The following SMIM36 variants were observed in gnomAD, a reference collection of about 807,000 sequenced individuals.
The protein encoded by SMIM36 is small integral membrane protein 36.
chr17:55,508,100 G>A (rs1910110862), intron 1 of SMIM36, among the ~76,000 whole-genome samples: 1 of 151,994 alleles, frequency 6.6e-6, no homozygotes, highest in Non-Finnish European at 1.5e-5. Context: ...GTGTCTGGTG[G>A]TGCATTAGAG....
chr17:55,491,103 C>T (rs1310105156), intron 1 of SMIM36, among the ~76,000 whole-genome samples: 1 of 151,614 alleles, frequency 6.6e-6, no homozygotes, highest in African/African-American at 2.4e-5. Context: ...AAACATTAGC[C>T]TGATGTGGTG....
chr17:55,467,528 C>T (rs940505442), intron 3 of SMIM36, among the ~76,000 whole-genome samples, 200 bp from the exon 4 acceptor site: 3 of 152,138 alleles, frequency 2.0e-5, no homozygotes, highest in Non-Finnish European at 4.4e-5. Context: ...TCCCAAGTAG[C>T]TGGGACTACA....
At chr17:55,518,690 G>A in the SMIM36 span, among the ~76,000 whole-genome samples, 22 of 152,188 alleles carry the variant, frequency 1.4e-4, no homozygotes, top group African/African-American at 5.1e-4. Flanking sequence ...CAGGGTGTCA[G>A]TGAAACAAAG....
rs144430475 is a variant in SMIM36, at chr17:55,475,244, C to T, written c.*347+3518G>A. Among the ~76,000 whole-genome samples, 1,323 of 152,264 alleles carry T rather than the reference C, an allele frequency of 8.7e-3. 20 individuals are homozygous for T. Among genetic ancestry groups the T allele is most frequent in the African/African-American group, 0.03 (1,250 of 41,540 alleles). On this transcript the variant is annotated intron_variant, in intron 3 of 4. Coordinates refer to ENST00000636752, the Ensembl canonical transcript of SMIM36. The stretch of plus-strand genomic sequence containing the variant: ...GGTTTACACTTTTTCTCCAAACCAT[C>T]GTAGCGGATATCTCCTGGTACTATC...
intron 1 of SMIM36, among the ~76,000 whole-genome samples, chr17:55,487,362 T>C (rs1444902422): frequency 6.6e-6 from 1 of 151,974 alleles, no homozygotes; most frequent in African/African-American, 2.4e-5. Flanking sequence ...AAAAAATAAA[T>C]AAATAAAAAA....
chr17:55,529,053 G>A, the SMIM36 span, among the ~76,000 whole-genome samples: 3 of 152,134 alleles, frequency 2.0e-5, no homozygotes, highest in African/African-American at 7.2e-5. Flanking sequence ...CATATTTTCA[G>A]GGGATTCCTT....
At chr17:55,456,484 C>T (rs1381449032) in intron 4 of SMIM36, among the ~76,000 whole-genome samples, 1 of 152,188 alleles carries the variant, frequency 6.6e-6, no homozygotes, top group Non-Finnish European at 1.5e-5. Flanking sequence ...TCCATCAATT[C>T]TTCCATATGA....
intron 1 of SMIM36, among the ~76,000 whole-genome samples, chr17:55,509,815 CAG>C (rs1910148818): frequency 6.6e-6 from 1 of 151,976 alleles, no homozygotes; most frequent in Non-Finnish European, 1.5e-5. Flanking sequence ...GACTAATGAA[CAG>C]GGGAAAAAAC....
intron 4 of SMIM36, among the ~76,000 whole-genome samples, chr17:55,466,513 AAATGATGAATAAGG>A (rs1180096229): frequency 1.3e-5 from 2 of 152,218 alleles, no homozygotes; most frequent in East Asian, 3.8e-4. Flanking sequence ...AAGTTGAGCT[AAATGATGAATAAGG>A]ACAAGTCCAG....
the SMIM36 span, among the ~76,000 whole-genome samples, chr17:55,522,071 C>A: frequency 0.037 from 5,642 of 152,236 alleles, 244 homozygotes; most frequent in African/African-American, 0.11. Context: ...CATTCTTACA[C>A]GGGCAGTAAG....
At chr17:55,451,517 T>C (rs987104265) in intron 4 of SMIM36, among the ~76,000 whole-genome samples, 2 of 152,208 alleles carry the variant, frequency 1.3e-5, no homozygotes, top group Admixed American at 6.5e-5. Flanking sequence ...CCTCCATATG[T>C]TTCTTATCAC....
the SMIM36 span, among the ~76,000 whole-genome samples, chr17:55,519,950 G>T: frequency 1.3e-5 from 2 of 152,128 alleles, no homozygotes; most frequent in African/African-American, 4.8e-5. Flanking sequence ...TTAAAAAATT[G>T]GCTATTTATT....
exon 1 of SMIM36, chr17:55,511,103 G>GGCT (rs1567873188): frequency 2.5e-6 from 1 of 398,506 alleles, no homozygotes; most frequent in African/African-American, 2.1e-5. Flanking sequence ...CCCAAAGAAA[G>GGCT]GCCAGGCCCC....
At chr17:55,459,375 T>G (rs1255807085) in intron 4 of SMIM36, among the ~76,000 whole-genome samples, 1 of 152,212 alleles carries the variant, frequency 6.6e-6, no homozygotes, top group East Asian at 1.9e-4. Flanking sequence ...TTGTTCAAAT[T>G]TATCCTTCTG....
chr17:55,498,339 C>G (rs948557058), intron 1 of SMIM36, among the ~76,000 whole-genome samples: 3 of 152,134 alleles, frequency 2.0e-5, no homozygotes, highest in African/African-American at 4.8e-5. Context: ...ATAACAGACA[C>G]TACGTTTTCT....
At chr17:55,494,505 T>C (rs1013397712) in intron 1 of SMIM36, among the ~76,000 whole-genome samples, 1 of 152,186 alleles carries the variant, frequency 6.6e-6, no homozygotes, top group African/African-American at 2.4e-5. Flanking sequence ...AGGTGGATTA[T>C]GCCCATTACA....
At chr17:55,494,491 T>C (rs895881443) in intron 1 of SMIM36, among the ~76,000 whole-genome samples, 3 of 152,216 alleles carry the variant, frequency 2.0e-5, no homozygotes, top group African/African-American at 2.4e-5. Context: ...TGGGGGAAGA[T>C]TGGAGGTGGA....
chr17:55,507,517 G>C (rs1364938547), intron 1 of SMIM36, among the ~76,000 whole-genome samples: 1 of 107,514 alleles, frequency 9.3e-6, no homozygotes, highest in Non-Finnish European at 1.8e-5. Context: ...TCATAGGTGG[G>C]AATTGAACAA....
chr17:55,455,976 A>G (rs8072554), intron 4 of SMIM36, among the ~76,000 whole-genome samples: 28,266 of 151,086 alleles, frequency 0.19, 4,121 homozygotes, highest in African/African-American at 0.41. Context: ...AAATTAGCTG[A>G]GTGTGGTAGG....
Sources: allele counts gnomAD v4.1 joint callset (sites outside exome capture counted in the v4.1 genomes callset), GRCh38; gene constraint gnomAD v4.1.1; transcripts MANE v1.5; gene names NCBI Gene and HGNC (gene_info 2026-07-23, HGNC 2026-07-21).